Variants in FUNDC2 observed in about 807,000 individuals in gnomAD.
FUNDC2 encodes FUN14 domain containing 2.
A neutral mutation model predicts 15.6 loss-of-function variants in FUNDC2; 4 were observed. The ratio of observed to expected loss-of-function variants is 0.26; its 90% CI spans 0.13 to 0.59. FUNDC2 has a LOEUF of 0.59. Ranked by LOEUF, FUNDC2 falls within the 20% of genes least tolerant of loss-of-function variation. FUNDC2 has a pLI of 0.90. For synonymous variants in FUNDC2, 44 were observed against 56.9 expected (o/e 0.77, Z 1.02); for missense variants, 98 against 149.7 (o/e 0.65, Z 1.80).
At position 155,058,402 on chromosome X, in the gene FUNDC2, G is replaced by C. The variant is rs1302649843; in HGVS notation, c.*3730G>C. ...GAAAGATGGGCATAACTAATGGTTG[G>C]GCTCTTATTTGGAACCTCTACTTTT... On this transcript the variant is annotated 3_prime_UTR_variant, in exon 5 of 5. Coordinates refer to ENST00000369498, the MANE Select transcript of FUNDC2 (RefSeq NM_023934.4). 9.0e-6 allele frequency: 1 copy of C among 111,280 alleles called. No homozygotes were observed. The highest frequency in any genetic ancestry group is 2.8e-4 in the East Asian group (1 of 3,556). 9.2% of individuals were successfully genotyped at this position (111,280 alleles called of 1,213,427 possible).
chrX:155,051,223 C>T (rs1476067015), intron 3 of FUNDC2: 2 of 117,887 alleles, frequency 1.7e-5, no homozygotes, highest in African/African-American at 6.5e-5. Flanking sequence ...CTCTGTGGGG[C>T]CAGATGCTAG....
chrX:155,037,637 T>C (rs1167744887), intron 2 of FUNDC2, among the ~76,000 whole-genome samples: 2 of 110,016 alleles, frequency 1.8e-5, no homozygotes, highest in Non-Finnish European at 3.8e-5. Context: ...GCGTGAACCA[T>C]CACACCGGGC....
In FUNDC2 at chrX:155,057,214, A is replaced by G. The variant is rs1453477451; in HGVS notation, c.*2542A>G. ...GGCATTTGGGGTTACCTGTGAATCA[A>G]GGCCCTATTGTGCCAGCAGTTTTGT... On this transcript the variant is annotated 3_prime_UTR_variant, in exon 5 of 5. Coordinates refer to ENST00000369498, the MANE Select transcript of FUNDC2 (RefSeq NM_023934.4). 1.8e-5 allele frequency: 2 copies of G among 111,809 alleles called. No homozygotes were observed. Among genetic ancestry groups the G allele is most frequent in the Non-Finnish European group, 3.8e-5 (2 of 53,049 alleles). The allele number at this position is 111,809 out of a possible 1,213,427, so 9.2% of individuals were successfully genotyped here.
rs1569560304 is a variant in FUNDC2 at position 155,057,050 on chromosome X, TGAGAACGGC to T, written c.*2379_*2387del. On this transcript the variant is annotated 3_prime_UTR_variant, in exon 5 of 5. Transcript: ENST00000369498. Reference sequence around the variant, plus strand: ...GCAGGTTGGCCTCATCCTGCTAGTATGAGAACGGCTGTGAGTTCTGCCCACGGTGTGAGG... The same window carrying T: ...GCAGGTTGGCCTCATCCTGCTAGTATTGTGAGTTCTGCCCACGGTGTGAGG... 1.0e-5 allele frequency: 1 copy of T among 96,535 alleles called. No individual in the cohort carries two copies. The highest frequency in any genetic ancestry group is 3.8e-5 in the African/African-American group (1 of 26,279). The allele number at this position is 96,535 out of a possible 1,213,427, so 8.0% of individuals were successfully genotyped here.
chrX:155,035,650 C>CT (rs1238541875), intron 2 of FUNDC2, among the ~76,000 whole-genome samples: 5 of 111,660 alleles, frequency 4.5e-5, no homozygotes, highest in Non-Finnish European at 7.5e-5. Flanking sequence ...AGTATATATT[C>CT]TTTTTTGTCT....
In FUNDC2 at chrX:155,042,175, C is replaced by CTTTTTTTT. The variant is rs1175079092; in HGVS notation, c.285-4312_285-4305dup. On this transcript the variant is annotated intron_variant, in intron 2 of 4. Coordinates refer to ENST00000369498, the MANE Select transcript of FUNDC2 (RefSeq NM_023934.4). ...CCTTGCTATAGTTTTCTTTTTCTAT[C>CTTTTTTTT]TTTTTTTTTTTTTTTTTTTTTTTTT... Among the ~76,000 whole-genome samples, 62 of 39,204 alleles carry CTTTTTTTT rather than the reference C, an allele frequency of 1.6e-3. 12 individuals carry two copies. The highest frequency in any genetic ancestry group is 5.9e-3 in the African/African-American group (45 of 7,645). The allele number at this position is 39,204 out of a possible 115,157, so 34.0% of individuals were successfully genotyped here.
intron 1 of FUNDC2, among the ~76,000 whole-genome samples, chrX:155,028,145 ATTG>A (rs1332412566): frequency 1.7e-4 from 13 of 75,289 alleles, no homozygotes; most frequent in Admixed American, 1.6e-3. Context: ...CACCTAGGAA[ATTG>A]TTGTGAGAAA....
chrX:155,049,657 A>C (rs1324284700), intron 3 of FUNDC2: 47 of 112,056 alleles, frequency 4.2e-4, no homozygotes, highest in African/African-American at 1.4e-3. Context: ...GATTGCAGTA[A>C]ATCTATGGAT....
At chrX:155,042,034 A>C (rs1310295310) in intron 2 of FUNDC2, among the ~76,000 whole-genome samples, 1 of 95,892 alleles carries the variant, frequency 1.0e-5, no homozygotes, top group Non-Finnish European at 2.1e-5. Flanking sequence ...GTGCCACTGC[A>C]CTCTACCCTG....
In FUNDC2 at chrX:155,056,200, C is replaced by A. The variant is rs1175690713; in HGVS notation, c.*1528C>A. ...AAAGTAGAGAATATAGTACAATAATCCCCCTGTGTATCTATCACTCACTCA... is the reference window on the plus strand; with the variant it reads ...AAAGTAGAGAATATAGTACAATAATACCCCTGTGTATCTATCACTCACTCA... On this transcript the variant is annotated 3_prime_UTR_variant, in exon 5 of 5. Transcript: ENST00000369498. The A allele has an allele frequency of 8.9e-6, 1 of 111,804 alleles. No homozygotes were observed. Among genetic ancestry groups the A allele is most frequent in the Non-Finnish European group, 1.9e-5 (1 of 53,157 alleles). The allele number at this position is 111,804 out of a possible 1,213,427, so 9.2% of individuals were successfully genotyped here.
At chrX:155,033,282 T>C (rs902289534) in intron 1 of FUNDC2, 121 bp from the exon 2 acceptor site, 4 of 566,920 alleles carry the variant, frequency 7.1e-6, no homozygotes, top group African/African-American at 6.9e-5. Context: ...AGAATAAATT[T>C]ACTATTTAAA....
intron 1 of FUNDC2, among the ~76,000 whole-genome samples, chrX:155,030,367 CAAAAAAA>C (rs1275771643): frequency 3.6e-5 from 1 of 27,571 alleles, no homozygotes; most frequent in South Asian, 2.8e-3. Flanking sequence ...CTCCTGTCTA[CAAAAAAA>C]AAAAAAAAAA....
chrX:155,047,403 A>G (rs1172892673), intron 3 of FUNDC2: 3 of 341,041 alleles, frequency 8.8e-6, no homozygotes, highest in Non-Finnish European at 1.8e-5. Flanking sequence ...TAAGTTCTGC[A>G]TTAGCACCAT....
intron 2 of FUNDC2, among the ~76,000 whole-genome samples, chrX:155,043,086 C>T (rs1334626356): frequency 9.0e-6 from 1 of 111,133 alleles, no homozygotes; most frequent in Non-Finnish European, 1.9e-5. Context: ...CAGGTGCATG[C>T]TACCGTGCCT....
In FUNDC2 at chrX:155,026,961, C is replaced by A. The variant is rs782225287; in HGVS notation, c.23C>A (p.Ala8Asp). 5.6e-5 allele frequency: 67 copies of A among 1,197,422 alleles called. No homozygotes were observed. The highest frequency in any genetic ancestry group is 7.3e-5 in the Non-Finnish European group (65 of 890,285). The change falls in exon 1 of 5, where the codon GCC becomes GAC. Residue 8 changes from alanine to aspartate, a missense_variant. Physicochemically the swap from Ala to Asp is moderately radical, Grantham distance 126 (BLOSUM62 -2). Coordinates refer to ENST00000369498, the MANE Select transcript of FUNDC2 (RefSeq NM_023934.4). ...GGAATGGAAACATCTGCCCCACGTG[C>A]CGGAAGCCAAGTGGTGGCGACAACT... METSAPR[A>D]GSQVVATTAR...
Position 155,046,662 on chromosome X carries a change from C to T in FUNDC2, c.360+78C>T, listed in dbSNP as rs187786869. Reference sequence around the variant, plus strand: ...GAATGTGGTGTGGGGAGTTGTAATACAGTCCTGGCTATGTCACACTAGACT... The same window carrying T: ...GAATGTGGTGTGGGGAGTTGTAATATAGTCCTGGCTATGTCACACTAGACT... On this transcript the variant is annotated intron_variant, in intron 3 of 4. Transcript: ENST00000369498. The T allele has an allele frequency of 1.3e-5, 10 of 789,784 alleles. No homozygotes were observed. The East Asian group carries it at 3.1e-4, about 25-fold the overall frequency. 65.1% of individuals were successfully genotyped at this position (789,784 alleles called of 1,213,427 possible). A position where few individuals can be genotyped will look rare whatever the true frequency, so the allele number is the denominator to read the frequency against.
intron 1 of FUNDC2, 80 bp downstream of exon 1, chrX:155,027,151 C>T: frequency 1.0e-6 from 1 of 970,790 alleles, no homozygotes; most frequent in East Asian, 4.2e-5. Context: ...TCCGCGCCCG[C>T]CAGTCGCGAC....
intron 2 of FUNDC2, among the ~76,000 whole-genome samples, chrX:155,038,111 C>T (rs983561682): frequency 2.7e-5 from 3 of 109,098 alleles, no homozygotes; most frequent in African/African-American, 1.0e-4. Flanking sequence ...CCTGTAGTCC[C>T]AGCTACTTGG....
chrX:155,052,525 C>T (rs1252354842), intron 4 of FUNDC2, among the ~76,000 whole-genome samples: 1 of 112,001 alleles, frequency 8.9e-6, no homozygotes, highest in Non-Finnish European at 1.9e-5. Context: ...TTTCTGTAGC[C>T]TGGAGTGATG....
Sources: allele counts gnomAD v4.1 joint callset (sites outside exome capture counted in the v4.1 genomes callset), GRCh38; gene constraint gnomAD v4.1.1; transcripts MANE v1.5; gene names NCBI Gene and HGNC (gene_info 2026-07-23, HGNC 2026-07-21).